SLC36A2: variants seen among roughly 807,000 people sequenced by gnomAD.
The protein encoded by SLC36A2 is proton-coupled amino acid transporter 2.
SLC36A2 carries 39 observed loss-of-function variants against 42.7 expected under a neutral mutation model. The ratio of observed to expected loss-of-function variants is 0.91; its 90% CI spans 0.71 to 1.19. SLC36A2 has a LOEUF of 1.19. SLC36A2 is among the 50% of genes most tolerant of loss of function. The pLI is 0.00. For synonymous variants in SLC36A2, 237 were observed against 240.8 expected, an observed-to-expected ratio of 0.98 and a Z score of 0.15; for missense variants, 590 against 613.7, an observed-to-expected ratio of 0.96 and a Z score of 0.41.
In SLC36A2 at chr5:151,332,082, G is replaced by T. The variant is rs533576799; in HGVS notation, c.843+1142C>A. Among the ~76,000 whole-genome samples, 14 of 152,182 alleles carry T rather than the reference G, an allele frequency of 9.2e-5. No individual in the cohort carries two copies. In the East Asian group the frequency reaches 2.7e-3, roughly 29 times the overall value. ...GGGTTTCACTATGTTAGCCAGACTG[G>T]TCTAGAACTCCTGACCTCAAGTGAT... On this transcript the variant is annotated intron_variant, in intron 7 of 9. Coordinates refer to ENST00000335244, the MANE Select transcript of SLC36A2 (RefSeq NM_181776.3).
At chr5:151,325,594 C>T (rs1755831803) in intron 7 of SLC36A2, 142 bp from the exon 8 acceptor site, 1 of 914,678 alleles carries the variant, frequency 1.1e-6, no homozygotes. Context: ...CACAGTAGTG[C>T]TATTCACATA....
At chr5:151,340,357 T>C (rs1756306715) in intron 4 of SLC36A2, among the ~76,000 whole-genome samples, 1 of 152,154 alleles carries the variant, frequency 6.6e-6, no homozygotes, top group Non-Finnish European at 1.5e-5. Context: ...AAATGACACA[T>C]TCAGAATCTG....
At chr5:151,323,571 C>A (rs1755762490) in intron 8 of SLC36A2, among the ~76,000 whole-genome samples, 1 of 151,384 alleles carries the variant, frequency 6.6e-6, no homozygotes. Flanking sequence ...AGTAGGCAGT[C>A]CAACTGGGAC....
intron 6 of SLC36A2, 135 bp from the exon 7 acceptor site, chr5:151,333,457 T>C: frequency 2.7e-6 from 2 of 730,322 alleles, no homozygotes; most frequent in East Asian, 5.5e-5. Flanking sequence ...TTCAAAGGGA[T>C]GTAGGCCACG....
At chr5:151,334,042 T>G (rs529857484) in intron 6 of SLC36A2, among the ~76,000 whole-genome samples, 1 of 152,280 alleles carries the variant, frequency 6.6e-6, no homozygotes, top group South Asian at 2.1e-4. Flanking sequence ...AGCTGTAAAT[T>G]GAAGGGGAGA....
At chr5:151,333,106 ATTT>A in intron 7 of SLC36A2, 115 bp downstream of exon 7, 1 of 930,832 alleles carries the variant, frequency 1.1e-6, no homozygotes, top group Non-Finnish European at 1.8e-6. Flanking sequence ...TCCCATGGGC[ATTT>A]TCTAGCAGGC....
At position 151,322,157 on chromosome 5, in the gene SLC36A2, G is replaced by T. The variant is rs1175266224; in HGVS notation, c.1069C>A (p.Gln357Lys). 3.1e-6 allele frequency: 5 copies of T among 1,614,072 alleles called. No individual in the cohort carries two copies. The highest frequency in any genetic ancestry group is 1.7e-5 in the Admixed American group (1 of 60,000). ...IAGILCTYAL[Q>K]FYVPAEIIIP... Reference sequence around the variant, plus strand: ...ATGATTTCTGCAGGGACGTAGAACTGCAGGGCATAGGTGCACAGGATGCCG... The same window carrying T: ...ATGATTTCTGCAGGGACGTAGAACTTCAGGGCATAGGTGCACAGGATGCCG... The change falls in exon 9 of 10, where the codon CAG (glutamine) becomes AAG (lysine). Residue 357 changes from glutamine to lysine, a missense_variant. Coordinates refer to ENST00000335244, the MANE Select transcript of SLC36A2 (RefSeq NM_181776.3).
intron 1 of SLC36A2, 107 bp from the exon 2 acceptor site, chr5:151,344,374 C>G: frequency 1.1e-6 from 1 of 928,668 alleles, no homozygotes. Context: ...TCCTAGCCAT[C>G]TCTCAGTCCA....
chr5:151,324,520 C>T (rs138625363), intron 8 of SLC36A2, among the ~76,000 whole-genome samples: 6,431 of 152,048 alleles, frequency 0.042, 465 homozygotes, highest in African/African-American at 0.15. Flanking sequence ...TTAGTAGAGA[C>T]GAGGTTTTGC....
At chr5:151,347,025 T>A (rs1006440216) in intron 1 of SLC36A2, among the ~76,000 whole-genome samples, 1 of 152,308 alleles carries the variant, frequency 6.6e-6, no homozygotes, top group African/African-American at 2.4e-5. Context: ...CTAGCCCTTA[T>A]CCTGCCAATG....
chr5:151,322,776 A>C (rs1361556300), intron 8 of SLC36A2, among the ~76,000 whole-genome samples: 2 of 152,202 alleles, frequency 1.3e-5, no homozygotes, highest in Non-Finnish European at 2.9e-5. Flanking sequence ...GTCAGGGTGG[A>C]ATATAAGGAG....
intron 7 of SLC36A2, among the ~76,000 whole-genome samples, chr5:151,329,667 G>A (rs1755943857): frequency 6.6e-6 from 1 of 152,182 alleles, no homozygotes. Context: ...ATAACTGACT[G>A]TAGGGGCTTG....
intron 9 of SLC36A2, chr5:151,321,753 A>C: frequency 2.7e-6 from 1 of 376,496 alleles, no homozygotes; most frequent in Non-Finnish European, 5.1e-6. Context: ...ATCTCGGCTC[A>C]CTGCAACCTC....
chr5:151,325,778 C>CAA (rs1180716617), intron 7 of SLC36A2, among the ~76,000 whole-genome samples: 1 of 152,086 alleles, frequency 6.6e-6, no homozygotes, highest in Non-Finnish European at 1.5e-5. Flanking sequence ...AAGCCAGTCA[C>CAA]AAAAAGACAA....
chr5:151,334,309 C>T (rs1756084561), intron 6 of SLC36A2, among the ~76,000 whole-genome samples: 1 of 152,088 alleles, frequency 6.6e-6, no homozygotes, highest in Non-Finnish European at 1.5e-5. Flanking sequence ...TCTCTTGTGG[C>T]TTCTTAAAGG....
At chr5:151,340,702 A>G (rs1756320706) in intron 4 of SLC36A2, among the ~76,000 whole-genome samples, 1 of 152,238 alleles carries the variant, frequency 6.6e-6, no homozygotes, top group Non-Finnish European at 1.5e-5. Context: ...TCTCTAGGGC[A>G]AGGAAGATAC....
At chr5:151,329,209 G>A (rs1028191183) in intron 7 of SLC36A2, among the ~76,000 whole-genome samples, 2 of 152,178 alleles carry the variant, frequency 1.3e-5, no homozygotes, top group African/African-American at 4.8e-5. Context: ...GCACTGTGTA[G>A]CACATGAGCA....
Position 151,317,090 on chromosome 5 carries a change from T to C in SLC36A2, c.1181-2A>G. ...GGGGGATGAGGATGGCCAGGAGGCC[T>C]GCAGGGAGAGGATAGTGGAGAGATG... On this transcript the variant is annotated splice_acceptor_variant, in intron 9 of 9. Coordinates refer to ENST00000335244, the MANE Select transcript of SLC36A2 (RefSeq NM_181776.3). LOFTEE classifies it high-confidence loss of function. 6.2e-7 allele frequency: 1 copy of C among 1,613,934 alleles called. No homozygotes were observed. The highest frequency in any genetic ancestry group is 1.7e-5 in the Admixed American group (1 of 59,968).
chr5:151,328,852 T>C (rs1362347693), intron 7 of SLC36A2, among the ~76,000 whole-genome samples: 1 of 152,218 alleles, frequency 6.6e-6, no homozygotes, highest in Non-Finnish European at 1.5e-5. Flanking sequence ...GCTGCATGAT[T>C]TGCCTGCTCA....
Sources: gnomAD v4.1 joint callset for allele counts (sites outside exome capture counted in the v4.1 genomes callset) on GRCh38, gnomAD v4.1.1 for gene constraint, MANE v1.5 for transcripts, NCBI Gene and HGNC (gene_info 2026-07-23, HGNC 2026-07-21) for gene names.